CCDC102B: variants seen among roughly 807,000 people sequenced by gnomAD.
CCDC102B encodes coiled-coil domain containing 102B.
In CCDC102B, 75 loss-of-function variants were observed where a neutral mutation model predicts 57.4. The observed-to-expected ratio is 1.31, with a 90% CI of 1.08 to 1.58. CCDC102B has a LOEUF of 1.58. Ranked by LOEUF, CCDC102B falls within the 40% of genes most tolerant of loss-of-function variation. The probability of loss-of-function intolerance (pLI) is 0.00; values close to 1 mark genes in which losing one functional copy is unlikely to be tolerated. For missense variants in CCDC102B, 636 were observed against 582.6 expected (o/e 1.09, Z -0.94); for synonymous variants, 206 against 201.9 (o/e 1.02, Z -0.17).
chr18:68,786,188 A>T (rs903841529), intron 2 of CCDC102B, among the ~76,000 whole-genome samples: 2 of 151,480 alleles, frequency 1.3e-5, no homozygotes, highest in Admixed American at 1.3e-4. Context: ...ATTGATCTAT[A>T]TCTCTGTTTT....
chr18:68,820,349 A>G (rs1336111874), intron 1 of CCDC102B, among the ~76,000 whole-genome samples: 1 of 152,132 alleles, frequency 6.6e-6, no homozygotes, highest in African/African-American at 2.4e-5. Context: ...TATTAAGTCA[A>G]TCACAATGAT....
intron 1 of CCDC102B, among the ~76,000 whole-genome samples, chr18:68,830,119 G>T (rs998730415): frequency 6.6e-6 from 1 of 151,768 alleles, no homozygotes; most frequent in Non-Finnish European, 1.5e-5. Context: ...TAACATTTTA[G>T]CATTTCCGGA....
intron 6 of CCDC102B, among the ~76,000 whole-genome samples, chr18:68,931,543 A>G (rs1456530146): frequency 6.6e-6 from 1 of 151,904 alleles, no homozygotes; most frequent in Non-Finnish European, 1.5e-5. Flanking sequence ...GTGGTCCTCC[A>G]AGGAGCCACA....
intron 2 of CCDC102B, among the ~76,000 whole-genome samples, chr18:68,718,831 T>C (rs902550261): frequency 1.3e-5 from 2 of 152,232 alleles, no homozygotes; most frequent in South Asian, 4.1e-4. Context: ...CCTGCATGTC[T>C]CATTTAGTGG....
At chr18:68,919,753 A>G (rs2041207719) in intron 6 of CCDC102B, among the ~76,000 whole-genome samples, 1 of 152,148 alleles carries the variant, frequency 6.6e-6, no homozygotes, top group Non-Finnish European at 1.5e-5. Flanking sequence ...TACTTTATTT[A>G]CTAAAGGTGG....
chr18:68,843,496 G>A (rs1206621740), intron 3 of CCDC102B, among the ~76,000 whole-genome samples: 1 of 151,958 alleles, frequency 6.6e-6, no homozygotes, highest in Admixed American at 6.6e-5. Context: ...TTGTGGAATT[G>A]TGACAGTAAA....
intron 2 of CCDC102B, among the ~76,000 whole-genome samples, chr18:68,741,637 C>T (rs1042557283): frequency 1.7e-4 from 26 of 151,476 alleles, no homozygotes; most frequent in Non-Finnish European, 4.4e-5. Flanking sequence ...AGGTCCCTTA[C>T]CCCAAATTTT....
At chr18:68,893,049 G>A (rs2040132370) in intron 5 of CCDC102B, among the ~76,000 whole-genome samples, 3 of 152,154 alleles carry the variant, frequency 2.0e-5, no homozygotes, top group Admixed American at 1.3e-4. Context: ...TTTCTCCATT[G>A]ACTAGGTCCA....
At chr18:68,905,857 G>A (rs1282436093) in intron 6 of CCDC102B, among the ~76,000 whole-genome samples, 5 of 127,550 alleles carry the variant, frequency 3.9e-5, no homozygotes, top group Non-Finnish European at 7.7e-5. Flanking sequence ...ACAGTGGTGC[G>A]ATCTCGGCTC....
chr18:68,879,650 C>A (rs893906409), intron 5 of CCDC102B, among the ~76,000 whole-genome samples: 4 of 152,104 alleles, frequency 2.6e-5, no homozygotes, highest in African/African-American at 9.7e-5. Context: ...ACACAGGGCG[C>A]TGATTGGTGT....
chr18:69,010,838 C>T (rs772787789), intron 6 of CCDC102B, 96 bp from the exon 7 acceptor site: 2 of 848,666 alleles, frequency 2.4e-6, no homozygotes, highest in Admixed American at 3.1e-5. Context: ...TAAATTCTTC[C>T]TAAAATGTTT....
At chr18:68,848,369 T>C (rs2037970170) in intron 4 of CCDC102B, among the ~76,000 whole-genome samples, 1 of 151,990 alleles carries the variant, frequency 6.6e-6, no homozygotes, top group African/African-American at 2.4e-5. Context: ...TAATTTCTGT[T>C]GTAGATGCCT....
At chr18:68,770,965 C>G (rs147865724) in intron 2 of CCDC102B, among the ~76,000 whole-genome samples, 9 of 152,212 alleles carry the variant, frequency 5.9e-5, no homozygotes, top group African/African-American at 2.2e-4. Flanking sequence ...ACTGCATCAC[C>G]CTGAAAGAAA....
intron 1 of CCDC102B, among the ~76,000 whole-genome samples, chr18:68,826,944 T>C (rs117835817): frequency 0.019 from 2,881 of 152,174 alleles, 57 homozygotes; most frequent in East Asian, 0.085. Flanking sequence ...GAACTTCTAA[T>C]ACAAAATGTC....
rs182524596 is a variant in CCDC102B at position 69,029,409 on chromosome 18, A to G, written c.1434+18305A>G. 2.6e-4 allele frequency among the ~76,000 whole-genome samples: 39 copies of G among 152,330 alleles called. No individual in the cohort carries two copies. The East Asian group carries it at 2.7e-3, about 11-fold the overall frequency. ...CTTTTTAATGTGGCATTCTAAATAC[A>G]TAAAACCTACCTTCTGCATCAGGTT... On this transcript the variant is annotated intron_variant, in intron 7 of 7. Coordinates refer to ENST00000360242, the MANE Select transcript of CCDC102B (RefSeq NM_024781.3).
At chr18:68,957,930 C>A (rs2049945306) in intron 6 of CCDC102B, among the ~76,000 whole-genome samples, 1 of 151,924 alleles carries the variant, frequency 6.6e-6, no homozygotes, top group Admixed American at 6.6e-5. Flanking sequence ...ATGTATTTGT[C>A]CGTTTTCAAG....
intron 6 of CCDC102B, among the ~76,000 whole-genome samples, chr18:68,910,353 G>A (rs2040796493): frequency 6.6e-6 from 1 of 152,152 alleles, no homozygotes. Context: ...TGAACATGGA[G>A]AGCAACTCTT....
intron 7 of CCDC102B, among the ~76,000 whole-genome samples, chr18:69,040,416 GTGTA>G (rs747290723): frequency 0.21 from 2,729 of 12,914 alleles, 65 homozygotes; most frequent in East Asian, 0.46. Flanking sequence ...GTGTGTGTGT[GTGTA>G]TGTGTGTGTG....
At chr18:69,012,409 C>T (rs1034036749) in intron 7 of CCDC102B, among the ~76,000 whole-genome samples, 2 of 151,820 alleles carry the variant, frequency 1.3e-5, no homozygotes, top group Admixed American at 6.6e-5. Flanking sequence ...TGCTAGTCTC[C>T]GAAGATCTGA....
Sources: gnomAD v4.1 joint callset for allele counts (sites outside exome capture counted in the v4.1 genomes callset) on GRCh38, gnomAD v4.1.1 for gene constraint, MANE v1.5 for transcripts, NCBI Gene and HGNC (gene_info 2026-07-23, HGNC 2026-07-21) for gene names.